EYA1: variants seen among roughly 807,000 people sequenced by gnomAD.
The protein encoded by EYA1 is protein phosphatase EYA1.
In EYA1, 16 loss-of-function variants were observed where a neutral mutation model predicts 82.0. The observed-to-expected ratio is 0.20, with a 90% CI of 0.13 to 0.30. EYA1 has a LOEUF of 0.30. Among genes scored for constraint, EYA1 ranks in the 10% least tolerant of loss-of-function variants. EYA1 has a pLI of 1.00. For missense variants in EYA1, 633 were observed against 730.7 expected, an observed-to-expected ratio of 0.87 and a Z score of 1.54; for synonymous variants, 261 against 264.4, an observed-to-expected ratio of 0.99 and a Z score of 0.12.
At chr8:71,403,627 A>G (rs186572929) in intron 2 of EYA1, 5 of 152,322 alleles carry the variant, frequency 3.3e-5, no homozygotes, top group Non-Finnish European at 5.9e-5. Context: ...AGTAGATAAT[A>G]AATTATATTT....
chr8:71,334,260 G>T, intron 3 of EYA1, 86 bp from the exon 4 acceptor site: 2 of 1,051,036 alleles, frequency 1.9e-6, no homozygotes, highest in South Asian at 1.3e-5. Flanking sequence ...TCAGAGTAAT[G>T]ACAAGAAAAT....
intron 17 of EYA1, 57 bp downstream of exon 17, chr8:71,211,099 G>C (rs1202899420): frequency 9.5e-7 from 1 of 1,053,738 alleles, no homozygotes; most frequent in Non-Finnish European, 1.5e-6. Flanking sequence ...CCAGTTATGA[G>C]AATACTGAGG....
chr8:71,214,057 A>C (rs1808872931), intron 16 of EYA1, among the ~76,000 whole-genome samples: 1 of 152,198 alleles, frequency 6.6e-6, no homozygotes, highest in Non-Finnish European at 1.5e-5. Context: ...AATGCTTTGA[A>C]GGAGAAGCAC....
chr8:71,516,152 A>C (rs769027584), intron 2 of EYA1, among the ~76,000 whole-genome samples: 4 of 152,132 alleles, frequency 2.6e-5, no homozygotes, highest in Non-Finnish European at 5.9e-5. Flanking sequence ...CAATACATAC[A>C]GTTTGTCTTT....
intron 2 of EYA1, among the ~76,000 whole-genome samples, chr8:71,477,202 C>T: frequency 6.6e-6 from 1 of 151,878 alleles, no homozygotes; most frequent in Non-Finnish European, 1.5e-5. Context: ...AAAATACAAG[C>T]AATAACAGAA....
intron 2 of EYA1, among the ~76,000 whole-genome samples, chr8:71,499,248 T>A (rs1445392733): frequency 6.6e-6 from 1 of 152,202 alleles, no homozygotes; most frequent in African/African-American, 2.4e-5. Flanking sequence ...GTTGGTCCTT[T>A]CTTTGTGATG....
intron 2 of EYA1, among the ~76,000 whole-genome samples, chr8:71,477,538 G>A (rs920745455): frequency 2.1e-5 from 3 of 145,770 alleles, no homozygotes; most frequent in African/African-American, 7.9e-5. Context: ...GTACTAGGAT[G>A]ACTAAATTTT....
intron 2 of EYA1, among the ~76,000 whole-genome samples, chr8:71,422,477 A>T (rs1338979385): frequency 6.6e-6 from 1 of 152,198 alleles, no homozygotes; most frequent in Admixed American, 6.5e-5. Context: ...GAATGTGTTC[A>T]TAATTAGGGT....
chr8:71,355,431 G>A (rs13267898), intron 2 of EYA1, among the ~76,000 whole-genome samples: 2,684 of 152,258 alleles, frequency 0.018, 31 homozygotes, highest in Middle Eastern at 0.031. Flanking sequence ...TAAAACACTT[G>A]AAACCTATAG....
At chr8:71,437,651 A>G (rs866980066) in intron 2 of EYA1, among the ~76,000 whole-genome samples, 1 of 152,162 alleles carries the variant, frequency 6.6e-6, no homozygotes, top group African/African-American at 2.4e-5. Flanking sequence ...ACTGAAACAA[A>G]TTAAACTATT....
intron 12 of EYA1, among the ~76,000 whole-genome samples, chr8:71,224,234 C>G (rs1810297959): frequency 6.6e-6 from 1 of 152,202 alleles, no homozygotes; most frequent in Non-Finnish European, 1.5e-5. Context: ...TCCTGCTGAT[C>G]AAGGCTATAG....
chr8:71,337,278 TTA>T (rs2129049974), intron 3 of EYA1, among the ~76,000 whole-genome samples: 1 of 152,320 alleles, frequency 6.6e-6, no homozygotes, highest in Non-Finnish European at 1.5e-5. Flanking sequence ...ATACTCTTCA[TTA>T]TATGACTCCA....
chr8:71,293,667 T>C (rs1389731917), intron 9 of EYA1, among the ~76,000 whole-genome samples: 2 of 151,886 alleles, frequency 1.3e-5, no homozygotes, highest in African/African-American at 4.8e-5. Flanking sequence ...ATCACATCAA[T>C]GAGCTAATGA....
At chr8:71,266,837 T>C (rs750212288) in intron 11 of EYA1, among the ~76,000 whole-genome samples, 10 of 152,204 alleles carry the variant, frequency 6.6e-5, no homozygotes, top group Non-Finnish European at 1.3e-4. Flanking sequence ...TTGAATTCTT[T>C]ACTATTTCAA....
In EYA1 at chr8:71,361,568, C is replaced by G. The variant is rs188448607; in HGVS notation, c.-55+79G>C. On this transcript the variant is annotated intron_variant, in intron 1 of 17. Coordinates refer to ENST00000340726, the MANE Select transcript of EYA1 (RefSeq NM_000503.6). ...ACAAATCAAAACAATAATAAAAGCG[C>G]TCCTGTTAGCTTGGGCTTTGCCCAC... The G allele has an allele frequency of 4.4e-6, 3 of 684,556 alleles. No homozygotes were observed. The Admixed American group carries it at 1.9e-4, about 43-fold the overall frequency. 42.4% of individuals were successfully genotyped at this position (684,556 alleles called of 1,614,324 possible). A position where few individuals can be genotyped will look rare whatever the true frequency, so the allele number is the denominator to read the frequency against.
intron 2 of EYA1, among the ~76,000 whole-genome samples, chr8:71,400,270 T>G: frequency 6.6e-6 from 1 of 152,118 alleles, no homozygotes; most frequent in East Asian, 1.9e-4. Context: ...CAAAAGCAAT[T>G]GCAACGAATG....
At chr8:71,480,936 AT>A (rs913556015) in intron 2 of EYA1, among the ~76,000 whole-genome samples, 5 of 151,700 alleles carry the variant, frequency 3.3e-5, no homozygotes, top group South Asian at 2.1e-4. Context: ...TAAAATTAGA[AT>A]TTTTTTTTCT....
intron 2 of EYA1, among the ~76,000 whole-genome samples, chr8:71,429,479 T>G (rs1317198269): frequency 6.6e-6 from 1 of 152,162 alleles, no homozygotes; most frequent in Non-Finnish European, 1.5e-5. Flanking sequence ...GTAGGCACCT[T>G]GATAATAAGA....
chr8:71,262,799 T>C (rs911379830), intron 11 of EYA1, among the ~76,000 whole-genome samples: 4 of 152,222 alleles, frequency 2.6e-5, no homozygotes, highest in African/African-American at 9.6e-5. Context: ...AGATGAAGCA[T>C]GCCTGTTTGG....
Sources: gnomAD v4.1 joint callset for allele counts (sites outside exome capture counted in the v4.1 genomes callset) on GRCh38, gnomAD v4.1.1 for gene constraint, MANE v1.5 for transcripts, NCBI Gene and HGNC (gene_info 2026-07-23, HGNC 2026-07-21) for gene names.